Variants in ELMO1 observed in about 807,000 individuals in gnomAD.
ELMO1 encodes engulfment and cell motility 1.
Under a neutral mutation model 98.9 loss-of-function variants are expected in ELMO1, and 26 were observed. The observed-to-expected ratio is 0.26, with a 90% CI of 0.19 to 0.36. ELMO1 has a LOEUF of 0.36. Ranked by LOEUF, ELMO1 falls within the 10% of genes least tolerant of loss-of-function variation. The pLI, the probability that ELMO1 is intolerant of heterozygous loss-of-function variation, is 1.00. For synonymous variants in ELMO1, 346 were observed against 346.0 expected (o/e 1.00, Z 0.00); for missense variants, 627 against 935.2 (o/e 0.67, Z 4.30).
At chr7:37,427,594 A>T (rs1471723819) in intron 1 of ELMO1, among the ~76,000 whole-genome samples, 1 of 152,232 alleles carries the variant, frequency 6.6e-6, no homozygotes, top group Non-Finnish European at 1.5e-5. Flanking sequence ...CATTTTATGG[A>T]CTCCAAACAT....
intron 16 of ELMO1, among the ~76,000 whole-genome samples, chr7:36,939,789 G>T (rs1786867959): frequency 6.6e-6 from 1 of 152,230 alleles, no homozygotes; most frequent in African/African-American, 2.4e-5. Flanking sequence ...ACTGCTCAGG[G>T]ATCTGGGAGG....
At chr7:37,266,193 G>T (rs977655924) in intron 5 of ELMO1, among the ~76,000 whole-genome samples, 1 of 152,064 alleles carries the variant, frequency 6.6e-6, no homozygotes, top group Admixed American at 6.5e-5. Context: ...AGAATTTAAG[G>T]CATGTTACAA....
chr7:37,003,927 C>A (rs1792864890), intron 16 of ELMO1, among the ~76,000 whole-genome samples: 2 of 152,126 alleles, frequency 1.3e-5, no homozygotes, highest in Non-Finnish European at 2.9e-5. Context: ...ACATCTGGTA[C>A]CCTCAGTTGG....
intron 1 of ELMO1, among the ~76,000 whole-genome samples, chr7:37,359,422 C>T (rs954115285): frequency 7.9e-5 from 12 of 152,182 alleles, no homozygotes; most frequent in African/African-American, 1.7e-4. Context: ...AACCACAGTA[C>T]CTATGTCAAC....
At chr7:37,309,283 A>C (rs1343065136) in intron 4 of ELMO1, among the ~76,000 whole-genome samples, 2 of 152,160 alleles carry the variant, frequency 1.3e-5, no homozygotes, top group Non-Finnish European at 2.9e-5. Flanking sequence ...AGCTCTCAAG[A>C]GACTTATTCA....
intron 13 of ELMO1, among the ~76,000 whole-genome samples, chr7:37,135,911 T>A (rs1281696728): frequency 6.6e-6 from 1 of 152,140 alleles, no homozygotes. Context: ...ATTCTGAAAG[T>A]GGATTATTAA....
chr7:37,378,864 G>A (rs973959158), intron 1 of ELMO1, among the ~76,000 whole-genome samples: 1 of 151,892 alleles, frequency 6.6e-6, no homozygotes, highest in Non-Finnish European at 1.5e-5. Flanking sequence ...ACTTTTGCTT[G>A]GACTCCTGCA....
At position 37,104,061 on chromosome 7, in the gene ELMO1, A is replaced by G. The variant is rs17170883; in HGVS notation, c.1192-7334T>C. ...AAAAAAAAGAACAGAGAAAGGACCAAACTAATGTTCGATAATTTTCTTCCA... is the reference window on the plus strand; with the variant it reads ...AAAAAAAAGAACAGAGAAAGGACCAGACTAATGTTCGATAATTTTCTTCCA... On this transcript the variant is annotated intron_variant, in intron 14 of 21. Transcript: ENST00000310758. Among the ~76,000 whole-genome samples, 165 of 148,362 alleles carry G rather than the reference A, an allele frequency of 1.1e-3. 5 individuals are homozygous for G. The East Asian group carries it at 0.031, about 28-fold the overall frequency.
chr7:37,052,232 C>G (rs1796146191), intron 15 of ELMO1, among the ~76,000 whole-genome samples: 1 of 152,176 alleles, frequency 6.6e-6, no homozygotes, highest in African/African-American at 2.4e-5. Flanking sequence ...TGACTGCCTA[C>G]TCCAGACAGG....
At chr7:36,971,627 G>A (rs963143548) in intron 16 of ELMO1, among the ~76,000 whole-genome samples, 1 of 152,172 alleles carries the variant, frequency 6.6e-6, no homozygotes, top group Non-Finnish European at 1.5e-5. Flanking sequence ...TAAGCCTGGC[G>A]TTATTTACTC....
intron 16 of ELMO1, among the ~76,000 whole-genome samples, chr7:36,914,107 G>A (rs753780232): frequency 2.6e-5 from 4 of 152,204 alleles, no homozygotes; most frequent in Non-Finnish European, 5.9e-5. Flanking sequence ...TAAGGAAAGG[G>A]TAAGGAAAGC....
intron 7 of ELMO1, among the ~76,000 whole-genome samples, chr7:37,237,264 G>A (rs1305424437): frequency 6.6e-6 from 1 of 152,082 alleles, no homozygotes; most frequent in African/African-American, 2.4e-5. Context: ...TCCATGGAGT[G>A]GCAAGCCCGT....
intron 1 of ELMO1, among the ~76,000 whole-genome samples, chr7:37,369,693 T>C (rs567192246): frequency 1.4e-5 from 2 of 144,936 alleles, no homozygotes; most frequent in East Asian, 3.9e-4. Flanking sequence ...AAAAAGAGAC[T>C]GACCAATCCA....
intron 1 of ELMO1, among the ~76,000 whole-genome samples, chr7:37,411,798 C>A (rs1804004472): frequency 6.6e-6 from 1 of 152,212 alleles, no homozygotes; most frequent in South Asian, 2.1e-4. Context: ...TTCTCCACTT[C>A]TCAGAACTCT....
At chr7:37,404,105 T>G (rs2131469157) in intron 1 of ELMO1, among the ~76,000 whole-genome samples, 1 of 151,946 alleles carries the variant, frequency 6.6e-6, no homozygotes, top group East Asian at 1.9e-4. Context: ...CAAGAGAAAA[T>G]GAGGGGTGGG....
At chr7:37,148,277 TAAC>T (rs1788130266) in intron 13 of ELMO1, among the ~76,000 whole-genome samples, 1 of 152,226 alleles carries the variant, frequency 6.6e-6, no homozygotes, top group Non-Finnish European at 1.5e-5. Context: ...TTAAAAGTCT[TAAC>T]AATACAGAAA....
intron 13 of ELMO1, among the ~76,000 whole-genome samples, chr7:37,137,593 A>G (rs1450527095): frequency 1.3e-5 from 2 of 151,872 alleles, no homozygotes; most frequent in African/African-American, 4.8e-5. Context: ...GCTGGAATAC[A>G]GTGGTGCAAT....
At position 36,854,295 on chromosome 7, in the gene ELMO1, C is replaced by T. The variant is rs961580921; in HGVS notation, c.*1256G>A. Reference sequence around the variant, plus strand: ...AAGAGCTGGCATCTCCAACAAGCTCCCAGGTGATGCTGATGACTGAGTAGC... The same window carrying T: ...AAGAGCTGGCATCTCCAACAAGCTCTCAGGTGATGCTGATGACTGAGTAGC... On this transcript the variant is annotated 3_prime_UTR_variant, in exon 22 of 22. Transcript: ENST00000310758. 3.9e-5 allele frequency: 6 copies of T among 152,042 alleles called. No individual in the cohort carries two copies. The highest frequency in any genetic ancestry group is 8.8e-5 in the Non-Finnish European group (6 of 68,020). 9.4% of individuals were successfully genotyped at this position (152,042 alleles called of 1,614,324 possible).
At chr7:37,316,151 T>C (rs1799142839) in intron 2 of ELMO1, among the ~76,000 whole-genome samples, 191 bp from the exon 3 acceptor site, 2 of 152,254 alleles carry the variant, frequency 1.3e-5, no homozygotes, top group Admixed American at 1.3e-4. Flanking sequence ...AATTTATTAA[T>C]GATTTATTAC....
Sources: allele counts gnomAD v4.1 joint callset (sites outside exome capture counted in the v4.1 genomes callset), GRCh38; gene constraint gnomAD v4.1.1; transcripts MANE v1.5; gene names NCBI Gene and HGNC (gene_info 2026-07-23, HGNC 2026-07-21).